ATP8B1: variants seen among roughly 807,000 people sequenced by gnomAD.
The protein encoded by ATP8B1 is ATPase phospholipid transporting 8B1, also known as phospholipid-transporting ATPase IC.
In ATP8B1, 80 loss-of-function variants were observed where a neutral mutation model predicts 149.9. That is an observed-to-expected ratio of 0.53 (90% CI 0.45 to 0.64). ATP8B1 has a LOEUF of 0.64. ATP8B1 is among the 30% of genes least tolerant of loss of function. The pLI, the probability that ATP8B1 is intolerant of heterozygous loss-of-function variation, is 0.00. For missense variants in ATP8B1, 1,247 were observed against 1,552.6 expected (o/e 0.80, Z 3.31); for synonymous variants, 536 against 562.8 (o/e 0.95, Z 0.67).
chr18:57,667,219 T>C (rs1396614827), intron 19 of ATP8B1, 52 bp from the exon 20 acceptor site: 1 of 1,464,696 alleles, frequency 6.8e-7, no homozygotes, highest in Non-Finnish European at 9.5e-7. Context: ...TTTTATTTTA[T>C]TTTATTTTGT....
chr18:57,768,586 C>CAAAAAAAA (rs5825235), intron 1 of ATP8B1, among the ~76,000 whole-genome samples: 4 of 96,980 alleles, frequency 4.1e-5, no homozygotes, highest in Non-Finnish European at 5.9e-5. Flanking sequence ...GTTTACATGC[C>CAAAAAAAA]AAAAAAAAAA....
intron 16 of ATP8B1, among the ~76,000 whole-genome samples, chr18:57,673,854 T>C (rs1456963084): frequency 6.6e-6 from 1 of 152,144 alleles, no homozygotes; most frequent in Non-Finnish European, 1.5e-5. Context: ...CATCTTCACT[T>C]GGTGGTCTGT....
chr18:57,756,305 A>ATACATATATATATATATATATATATATG (rs1555653785), intron 1 of ATP8B1, among the ~76,000 whole-genome samples: 1 of 106,126 alleles, frequency 9.4e-6, no homozygotes, highest in African/African-American at 4.2e-5. Context: ...GTGTATGTAT[A>ATACATATATATATATATATATATATATG]TATATATATA....
rs75447242 is a variant in ATP8B1 at position 57,693,826 on chromosome 18, A to G, written c.1029+756T>C. On this transcript the variant is annotated intron_variant, in intron 11 of 27. Coordinates refer to ENST00000648908, the MANE Select transcript of ATP8B1 (RefSeq NM_001374385.1). ...GGAGTCTAGAGTTTTTTTGTTAAAA[A>G]CCTTTGACACTGAGTCTCTCATGAG... Among the ~76,000 whole-genome samples, 27 of 152,232 alleles carry G rather than the reference A, an allele frequency of 1.8e-4. No homozygotes were observed. In the East Asian group the frequency reaches 4.2e-3, roughly 24 times the overall value.
chr18:57,739,562 A>G (rs977736656), intron 1 of ATP8B1, among the ~76,000 whole-genome samples: 2 of 152,214 alleles, frequency 1.3e-5, no homozygotes, highest in African/African-American at 4.8e-5. Context: ...CTGGGGAAAG[A>G]GCAAATCAAC....
intron 2 of ATP8B1, among the ~76,000 whole-genome samples, chr18:57,717,437 G>A (rs1401675639): frequency 6.7e-6 from 1 of 149,844 alleles, no homozygotes; most frequent in Non-Finnish European, 1.5e-5. Flanking sequence ...AGTCCCAGCT[G>A]CTGGGGAGGC....
At chr18:57,661,966 C>A (rs1215224982) in intron 21 of ATP8B1, among the ~76,000 whole-genome samples, 1 of 152,110 alleles carries the variant, frequency 6.6e-6, no homozygotes, top group Non-Finnish European at 1.5e-5. Context: ...GATCTGCCCG[C>A]CTTGGCCTCC....
intron 4 of ATP8B1, among the ~76,000 whole-genome samples, chr18:57,703,081 C>T (rs1717676291): frequency 6.6e-6 from 1 of 152,156 alleles, no homozygotes; most frequent in South Asian, 2.1e-4. Flanking sequence ...CCATCCTTTA[C>T]TATCTGACTT....
chr18:57,691,247 G>A (rs536145856), intron 12 of ATP8B1, among the ~76,000 whole-genome samples: 2 of 151,968 alleles, frequency 1.3e-5, no homozygotes, highest in South Asian at 2.1e-4. Context: ...ACCACTTATC[G>A]GAGATATGCC....
In ATP8B1 at chr18:57,669,434, T is replaced by C. The variant is rs1555689790; in HGVS notation, c.1981A>G (p.Ile661Val). The part of the protein sequence containing the change: ...LRTLCLCYKE[I>V]EEKEFTEWNK... Reference sequence around the variant, plus strand: ...CATTCTGTAAATTCTTTTTCTTCAATTTCCTTGTAGCAAAGGCATAGGGTT... The same window carrying C: ...CATTCTGTAAATTCTTTTTCTTCAACTTCCTTGTAGCAAAGGCATAGGGTT... The change falls in exon 18 of 28, where the codon ATT becomes GTT. Residue 661 changes from isoleucine to valine, a missense_variant. By Grantham distance (29) the Ile-to-Val change is conservative. Around this residue, in one of 3 missense-constraint regions of ATP8B1, gnomAD observed 853 missense variants for 1,035.7 expected, o/e 0.82. Transcript: ENST00000648908. The C allele has an allele frequency of 5.6e-6, 9 of 1,613,596 alleles. No homozygotes were observed. Among genetic ancestry groups the C allele is most frequent in the Non-Finnish European group, 6.8e-6 (8 of 1,179,706 alleles).
intron 2 of ATP8B1, among the ~76,000 whole-genome samples, chr18:57,707,164 C>T (rs528411837): frequency 3.2e-4 from 48 of 152,134 alleles, no homozygotes; most frequent in African/African-American, 7.9e-4. Flanking sequence ...GGTGCAGTGG[C>T]GGGCACCTGT....
intron 25 of ATP8B1, 127 bp from the exon 26 acceptor site, chr18:57,652,299 ACT>A (rs2122561397): frequency 3.4e-6 from 5 of 1,457,770 alleles, no homozygotes; most frequent in Non-Finnish European, 4.7e-6. Context: ...TGGACCAGAA[ACT>A]AAACCATCCT....
intron 22 of ATP8B1, among the ~76,000 whole-genome samples, chr18:57,658,122 A>G (rs371485739): frequency 6.6e-6 from 1 of 151,544 alleles, no homozygotes; most frequent in East Asian, 1.9e-4. Flanking sequence ...TCTTGGCTCA[A>G]TGCAACCTCT....
At chr18:57,676,701 GA>G (rs1299742212) in intron 15 of ATP8B1, among the ~76,000 whole-genome samples, 1 of 111,562 alleles carries the variant, frequency 9.0e-6, no homozygotes, top group African/African-American at 3.6e-5. Flanking sequence ...CCTGGTGACA[GA>G]CCGAGACTCC....
At chr18:57,714,207 A>G (rs1255029821) in intron 2 of ATP8B1, among the ~76,000 whole-genome samples, 1 of 152,204 alleles carries the variant, frequency 6.6e-6, no homozygotes, top group Non-Finnish European at 1.5e-5. Context: ...GCCTGTGGAA[A>G]GGGCAGAATA....
intron 1 of ATP8B1, among the ~76,000 whole-genome samples, chr18:57,741,174 G>T (rs1327699137): frequency 1.3e-5 from 2 of 151,556 alleles, no homozygotes; most frequent in African/African-American, 4.9e-5. Flanking sequence ...CTGATCTTGG[G>T]ATCCACCCAC....
chr18:57,686,562 A>G (rs1224535706), intron 13 of ATP8B1, among the ~76,000 whole-genome samples: 1 of 152,124 alleles, frequency 6.6e-6, no homozygotes, highest in Non-Finnish European at 1.5e-5. Context: ...CTGGGACTAG[A>G]GGCATCCACC....
At chr18:57,662,437 C>T (rs367873794) in intron 21 of ATP8B1, 46 bp downstream of exon 21, 20 of 1,611,014 alleles carry the variant, frequency 1.2e-5, no homozygotes, top group Non-Finnish European at 1.6e-5. Flanking sequence ...TCCAAATGAA[C>T]TTCTTTCTTT....
intron 1 of ATP8B1, among the ~76,000 whole-genome samples, chr18:57,762,221 C>T (rs886581701): frequency 1.3e-5 from 2 of 151,510 alleles, no homozygotes; most frequent in African/African-American, 2.4e-5. Flanking sequence ...TCACTGCAAC[C>T]CCCATTTCCC....
Sources: allele counts gnomAD v4.1 joint callset (sites outside exome capture counted in the v4.1 genomes callset), GRCh38; gene constraint gnomAD v4.1.1; regional missense constraint gnomAD v4.1.1; transcripts MANE v1.5; gene names NCBI Gene and HGNC (gene_info 2026-07-23, HGNC 2026-07-21).